Variants in ASCC1 observed in about 807,000 individuals in gnomAD.
ASCC1 encodes activating signal cointegrator 1 complex subunit 1, also known as ASC-1 complex subunit P50.
A neutral mutation model predicts 46.6 loss-of-function variants in ASCC1; 35 were observed. The ratio of observed to expected loss-of-function variants is 0.75; its 90% confidence interval spans 0.57 to 0.99. The LOEUF is 0.99. ASCC1 is among the 50% of genes least tolerant of loss of function. ASCC1 has a pLI of 0.00. For missense variants in ASCC1, 376 were observed against 428.7 expected, an observed-to-expected ratio of 0.88 and a Z score of 1.09; for synonymous variants, 143 against 146.6, an observed-to-expected ratio of 0.98 and a Z score of 0.18.
At chr10:72,188,290 T>C (rs1021611495) in intron 5 of ASCC1, among the ~76,000 whole-genome samples, 1 of 151,752 alleles carries the variant, frequency 6.6e-6, no homozygotes, top group African/African-American at 2.4e-5. Context: ...AGCTAATTTT[T>C]GTATTTTTAG....
At chr10:72,127,462 G>T (rs923751247) in intron 9 of ASCC1, among the ~76,000 whole-genome samples, 2 of 152,130 alleles carry the variant, frequency 1.3e-5, no homozygotes, top group African/African-American at 2.4e-5. Context: ...TTAGGACATA[G>T]GCTGTTCCTG....
At chr10:72,213,036 C>T (rs1858400157) in intron 2 of ASCC1, 151 bp downstream of exon 2, 2 of 646,982 alleles carry the variant, frequency 3.1e-6, no homozygotes, top group South Asian at 1.6e-5. Context: ...CTCATCAGTA[C>T]CCTTAGACAT....
At chr10:72,208,785 TTGTG>T (rs879575195) in intron 3 of ASCC1, among the ~76,000 whole-genome samples, 1 of 147,978 alleles carries the variant, frequency 6.8e-6, no homozygotes, top group African/African-American at 2.5e-5. Context: ...GTGTGTGTGT[TTGTG>T]TGTGTGTGTG....
At chr10:72,114,493 C>T (rs541481472) in intron 9 of ASCC1, among the ~76,000 whole-genome samples, 58 of 151,966 alleles carry the variant, frequency 3.8e-4, no homozygotes, top group African/African-American at 1.3e-3. Context: ...GGCATGGTGG[C>T]GGGCCCCTGT....
chr10:72,210,898 G>A, intron 2 of ASCC1, 67 bp from the exon 3 acceptor site: 1 of 1,434,446 alleles, frequency 7.0e-7, no homozygotes, highest in South Asian at 1.2e-5. Flanking sequence ...TTTCGCCTCA[G>A]CTGTCAACCG....
intron 5 of ASCC1, among the ~76,000 whole-genome samples, chr10:72,189,524 C>T (rs185640876): frequency 1.1e-4 from 16 of 152,160 alleles, no homozygotes; most frequent in African/African-American, 1.4e-4. Flanking sequence ...AGATACTGTT[C>T]GGGTGGGGTG....
At chr10:72,204,501 T>C (rs1856927037) in intron 3 of ASCC1, 3 of 1,547,376 alleles carry the variant, frequency 1.9e-6, no homozygotes, top group African/African-American at 1.4e-5. Context: ...TTCAAGTGAA[T>C]GAGACTACCG....
intron 7 of ASCC1, among the ~76,000 whole-genome samples, chr10:72,143,929 T>C (rs755424917): frequency 1.3e-5 from 2 of 152,190 alleles, no homozygotes; most frequent in Middle Eastern, 6.8e-3. Flanking sequence ...TATATCTTCC[T>C]GGTAAAATGA....
intron 9 of ASCC1, among the ~76,000 whole-genome samples, chr10:72,111,750 TC>T (rs1842942741): frequency 6.6e-6 from 1 of 152,068 alleles, no homozygotes; most frequent in African/African-American, 2.4e-5. Flanking sequence ...CATGCCATTC[TC>T]CTGCCTCAGC....
chr10:72,215,488 C>A (rs1300020837), intron 1 of ASCC1, among the ~76,000 whole-genome samples: 1 of 152,064 alleles, frequency 6.6e-6, no homozygotes, highest in Non-Finnish European at 1.5e-5. Context: ...GAAGGTAAAC[C>A]GACATGGATG....
At chr10:72,130,316 T>C (rs1185242462) in intron 8 of ASCC1, among the ~76,000 whole-genome samples, 3 of 152,158 alleles carry the variant, frequency 2.0e-5, no homozygotes, top group Non-Finnish European at 4.4e-5. Flanking sequence ...GTGATGGCTA[T>C]ACAAGTTTAA....
At chr10:72,211,043 T>C (rs1313546646) in intron 2 of ASCC1, among the ~76,000 whole-genome samples, 7 of 152,184 alleles carry the variant, frequency 4.6e-5, no homozygotes, top group African/African-American at 1.7e-4. Context: ...TAATGACTAT[T>C]TTAAATCTTT....
rs566793115 is a variant in ASCC1 at position 72,139,390 on chromosome 10, C to T, written c.747-6209G>A. 4.6e-5 allele frequency among the ~76,000 whole-genome samples: 7 copies of T among 152,294 alleles called. No homozygotes were observed. The East Asian group carries it at 1.3e-3, about 29-fold the overall frequency. Reference sequence around the variant, plus strand: ...TTGGCCTCCCAAAGTGCTGGGATTACAGGTGTGAGCCACGGCACCCAGCCA... The same window carrying T: ...TTGGCCTCCCAAAGTGCTGGGATTATAGGTGTGAGCCACGGCACCCAGCCA... On this transcript the variant is annotated intron_variant, in intron 7 of 9. Coordinates refer to ENST00000672957, the MANE Select transcript of ASCC1 (RefSeq NM_001198800.3).
At chr10:72,118,737 C>A (rs1365160606) in intron 9 of ASCC1, among the ~76,000 whole-genome samples, 3 of 151,736 alleles carry the variant, frequency 2.0e-5, no homozygotes, top group African/African-American at 7.3e-5. Context: ...CAAGATCGCA[C>A]CATTGCACTC....
intron 9 of ASCC1, among the ~76,000 whole-genome samples, chr10:72,120,465 C>T (rs1337831052): frequency 6.6e-6 from 1 of 150,800 alleles, no homozygotes; most frequent in Non-Finnish European, 1.5e-5. Flanking sequence ...AATGCAAATA[C>T]CAGGAGAAGA....
intron 5 of ASCC1, among the ~76,000 whole-genome samples, chr10:72,190,995 CAA>C (rs556780486): frequency 5.7e-5 from 5 of 87,112 alleles, no homozygotes; most frequent in Non-Finnish European, 4.5e-5. Flanking sequence ...GACGCCGTCT[CAA>C]AAAAAAAAAA....
At chr10:72,170,167 T>C (rs1352548551) in intron 5 of ASCC1, among the ~76,000 whole-genome samples, 2 of 151,752 alleles carry the variant, frequency 1.3e-5, no homozygotes, top group Non-Finnish European at 2.9e-5. Flanking sequence ...GGATGTTAAA[T>C]CTAAGGAGAA....
intron 7 of ASCC1, among the ~76,000 whole-genome samples, chr10:72,145,121 CT>C (rs1847481296): frequency 6.6e-6 from 1 of 152,120 alleles, no homozygotes; most frequent in Non-Finnish European, 1.5e-5. Context: ...CTGTCTTTGG[CT>C]TCTGTTATTG....
At chr10:72,171,390 C>T (rs1362052967) in intron 5 of ASCC1, among the ~76,000 whole-genome samples, 1 of 152,112 alleles carries the variant, frequency 6.6e-6, no homozygotes, top group Non-Finnish European at 1.5e-5. Flanking sequence ...CCACTTTAAT[C>T]GTCACCTCTC....
Sources: allele counts gnomAD v4.1 joint callset (sites outside exome capture counted in the v4.1 genomes callset), GRCh38; gene constraint gnomAD v4.1.1; transcripts MANE v1.5; gene names NCBI Gene and HGNC (gene_info 2026-07-23, HGNC 2026-07-21).